Variants in UGT8 observed in about 807,000 individuals in gnomAD.
UGT8 encodes 2-hydroxyacylsphingosine 1-beta-galactosyltransferase.
A neutral mutation model predicts 40.5 loss-of-function variants in UGT8; 12 were observed. The ratio of observed to expected loss-of-function variants is 0.30; its 90% CI spans 0.19 to 0.48. The LOEUF (loss-of-function observed/expected upper bound fraction) is 0.48. UGT8 is among the 20% of genes least tolerant of loss of function. UGT8 has a pLI of 0.99. For missense variants in UGT8, 513 were observed against 648.7 expected, an observed-to-expected ratio of 0.79 and a Z score of 2.27; for synonymous variants, 224 against 240.4, an observed-to-expected ratio of 0.93 and a Z score of 0.63.
At chr4:114,623,851 A>T in intron 2 of UGT8, 149 bp downstream of exon 2, 1 of 1,083,900 alleles carries the variant, frequency 9.2e-7, no homozygotes, top group Admixed American at 3.3e-5. Flanking sequence ...AAGTCCCTTT[A>T]TGTGGGTCCA....
intron 2 of UGT8, among the ~76,000 whole-genome samples, chr4:114,645,851 A>C (rs1733537690): frequency 6.6e-6 from 1 of 152,172 alleles, no homozygotes; most frequent in African/African-American, 2.4e-5. Context: ...TACACATTTC[A>C]GGACTCTGTT....
chr4:114,649,270 G>C (rs1733760026), intron 2 of UGT8, among the ~76,000 whole-genome samples: 1 of 152,116 alleles, frequency 6.6e-6, no homozygotes, highest in African/African-American at 2.4e-5. Flanking sequence ...AGAGGAATCA[G>C]TTTGCCTATT....
At chr4:114,637,624 C>T (rs1326137333) in intron 2 of UGT8, among the ~76,000 whole-genome samples, 1 of 152,070 alleles carries the variant, frequency 6.6e-6, no homozygotes, top group Admixed American at 6.5e-5. Context: ...GTCACAAAGA[C>T]ATTTGAGAGG....
intron 3 of UGT8, chr4:114,665,332 C>T (rs1051697792): frequency 4.1e-6 from 4 of 975,422 alleles, no homozygotes; most frequent in Non-Finnish European, 4.9e-6. Context: ...CTTCTTGTTC[C>T]AGCTTCTGGC....
Position 114,656,179 on chromosome 4 carries a change from C to A in UGT8, c.823-7816C>A, listed in dbSNP as rs975848313. Among the ~76,000 whole-genome samples the A allele has an allele frequency of 2.6e-5, 4 of 152,006 alleles. No homozygotes were observed. In the South Asian group the frequency reaches 6.2e-4, roughly 24 times the overall value. ...CTTTGCTGTCACATTACTAATTTTA[C>A]TTGGTAGTCAGAATTGGAAGCTATG... On this transcript the variant is annotated intron_variant, in intron 2 of 5. Coordinates refer to ENST00000310836, the MANE Select transcript of UGT8 (RefSeq NM_001128174.3).
intron 2 of UGT8, among the ~76,000 whole-genome samples, chr4:114,658,742 G>A (rs1426745659): frequency 6.6e-6 from 1 of 152,160 alleles, no homozygotes; most frequent in African/African-American, 2.4e-5. Flanking sequence ...AGGGGGATGA[G>A]TATATTTTTA....
intron 1 of UGT8, among the ~76,000 whole-genome samples, chr4:114,612,370 C>A (rs1731145980): frequency 6.6e-6 from 1 of 152,086 alleles, no homozygotes; most frequent in Admixed American, 6.5e-5. Context: ...TAGGCCTCAT[C>A]CCCAGAAATT....
chr4:114,634,451 A>T (rs1379967619), intron 2 of UGT8, among the ~76,000 whole-genome samples: 3 of 152,198 alleles, frequency 2.0e-5, no homozygotes, highest in Non-Finnish European at 4.4e-5. Flanking sequence ...AGGAGGGAAG[A>T]GGAGTCTCCA....
At position 114,664,110 on chromosome 4, in the gene UGT8, G is replaced by A. The variant is rs772679865; in HGVS notation, c.938G>A (p.Gly313Glu). ...GCTAACAAACTGGCAGGAGCTCTGG[G>A]GAGATTGCCTCAAAAAGTGATTTGG... Reference protein sequence around the residue: ...DIANKLAGALGRLPQKVIWRF... With the variant: ...DIANKLAGALERLPQKVIWRF... The change falls in exon 3 of 6, where the codon GGG becomes GAG. Residue 313 changes from glycine to glutamate, a missense_variant. By Grantham distance (98) the Gly-to-Glu change is moderately conservative. Around this residue, in one of 3 missense-constraint regions of UGT8, gnomAD observed 335 missense variants for 444.8 expected, o/e 0.75. Transcript: ENST00000310836. 12 of 1,613,752 alleles carry A rather than the reference G, an allele frequency of 7.4e-6. No homozygotes were observed. The African/African-American group carries it at 1.3e-4, about 18-fold the overall frequency.
chr4:114,670,458 T>G (rs1211347326), intron 5 of UGT8, among the ~76,000 whole-genome samples: 1 of 127,448 alleles, frequency 7.8e-6, no homozygotes, highest in African/African-American at 2.8e-5. Flanking sequence ...AAAAAAAAGC[T>G]TATCCACTAT....
chr4:114,669,176 T>G (rs1735077860), intron 5 of UGT8, among the ~76,000 whole-genome samples: 1 of 152,152 alleles, frequency 6.6e-6, no homozygotes, highest in South Asian at 2.1e-4. Flanking sequence ...AATGCTGAAT[T>G]CAACTGAAGT....
chr4:114,626,701 A>T (rs908271699), intron 2 of UGT8, among the ~76,000 whole-genome samples: 3 of 152,204 alleles, frequency 2.0e-5, no homozygotes, highest in African/African-American at 7.2e-5. Context: ...AGTCAGGTGT[A>T]ATGTGGATTG....
At chr4:114,670,217 G>A (rs1390305754) in intron 5 of UGT8, among the ~76,000 whole-genome samples, 2 of 151,620 alleles carry the variant, frequency 1.3e-5, no homozygotes, top group Non-Finnish European at 2.9e-5. Context: ...GGATCACAAG[G>A]TCAGGAGATC....
intron 2 of UGT8, among the ~76,000 whole-genome samples, chr4:114,643,982 C>G (rs1041840820): frequency 7.2e-5 from 11 of 152,260 alleles, no homozygotes; most frequent in Admixed American, 4.6e-4. Context: ...TGAACAATTG[C>G]AGCGCCTACT....
intron 2 of UGT8, among the ~76,000 whole-genome samples, chr4:114,662,033 A>G (rs1734573390): frequency 6.6e-6 from 1 of 152,222 alleles, no homozygotes; most frequent in East Asian, 1.9e-4. Flanking sequence ...TCAGCATCTT[A>G]CATATACTTG....
rs1190813766 is a variant in UGT8 at position 114,676,908 on chromosome 4, T to G, written c.*620T>G. On this transcript the variant is annotated 3_prime_UTR_variant, in exon 6 of 6. Coordinates refer to ENST00000310836, the MANE Select transcript of UGT8 (RefSeq NM_001128174.3). ...CAGTTTTTTGTATTTTTTTTTTTAG[T>G]TATTTTTTGTTGTTGTTGTTTGTAT... The G allele has an allele frequency of 6.6e-6, 1 of 151,452 alleles. No individual in the cohort carries two copies. Among genetic ancestry groups the G allele is most frequent in the Non-Finnish European group, 1.5e-5 (1 of 67,884 alleles). 9.4% of individuals were successfully genotyped at this position (151,452 alleles called of 1,614,324 possible). A position where few individuals can be genotyped will look rare whatever the true frequency, so the allele number is the denominator to read the frequency against.
intron 1 of UGT8, 171 bp from the exon 2 acceptor site, chr4:114,622,708 A>C: frequency 1.8e-6 from 1 of 568,296 alleles, no homozygotes; most frequent in East Asian, 3.1e-5. Context: ...GCATTTTTTC[A>C]TGTGTTTTTT....
chr4:114,631,734 C>T (rs1231290843), intron 2 of UGT8, among the ~76,000 whole-genome samples: 1 of 152,160 alleles, frequency 6.6e-6, no homozygotes, highest in Non-Finnish European at 1.5e-5. Context: ...TCATACAATC[C>T]ATGTGATCCA....
intron 1 of UGT8, among the ~76,000 whole-genome samples, chr4:114,610,670 T>C (rs1251217435): frequency 6.6e-6 from 1 of 152,154 alleles, no homozygotes; most frequent in Non-Finnish European, 1.5e-5. Context: ...CTAGTGATGA[T>C]GGTAGAATTT....
Sources: allele counts gnomAD v4.1 joint callset (sites outside exome capture counted in the v4.1 genomes callset), GRCh38; gene constraint gnomAD v4.1.1; regional missense constraint gnomAD v4.1.1; transcripts MANE v1.5; gene names NCBI Gene and HGNC (gene_info 2026-07-23, HGNC 2026-07-21).